Variants in XIRP2 observed in about 807,000 individuals in gnomAD.
The protein encoded by XIRP2 is xin actin-binding repeat-containing protein 2.
Under a neutral mutation model 277.0 loss-of-function variants are expected in XIRP2, and 236 were observed. The observed-to-expected ratio is 0.85, with a 90% confidence interval of 0.77 to 0.95. The LOEUF (loss-of-function observed/expected upper bound fraction) is 0.95. XIRP2 is among the 40% of genes least tolerant of loss of function. The pLI, the probability that XIRP2 is intolerant of heterozygous loss-of-function variation, is 0.00. For missense variants in XIRP2, 4,640 were observed against 4,157.5 expected (o/e 1.12, Z -3.19); for synonymous variants, 1,490 against 1,416.5 (o/e 1.05, Z -1.17).
intron 3 of XIRP2, among the ~76,000 whole-genome samples, chr2:167,181,351 T>C (rs1013721954): frequency 6.6e-6 from 1 of 152,164 alleles, no homozygotes; most frequent in Admixed American, 6.5e-5. Flanking sequence ...ATGCAGTATG[T>C]CATCCAAAAC....
Position 167,246,066 on chromosome 2 carries a change from T to A in XIRP2, c.4674T>A (p.Asp1558Glu), listed in dbSNP as rs763536192. 2 of 1,613,632 alleles carry A rather than the reference T, an allele frequency of 1.2e-6. No individual in the cohort carries two copies. The highest frequency in any genetic ancestry group is 3.3e-5 in the Admixed American group (2 of 59,954). ...IGKSIKETLEDLYSQKVIQAP... is the reference protein window; with the variant it reads ...IGKSIKETLEELYSQKVIQAP... ...AGAGCATTAAAGAAACCTTAGAAGA[T>A]CTCTACTCTCAAAAAGTTATCCAGG... Residue 1558 changes from aspartate (D) to glutamate (E), a missense_variant, in exon 9 of 11, where the codon GAT (aspartate) becomes GAA (glutamate). Transcript: ENST00000409195.
chr2:167,095,269 T>G (rs2105279803), intron 2 of XIRP2, among the ~76,000 whole-genome samples: 1 of 152,316 alleles, frequency 6.6e-6, no homozygotes, highest in South Asian at 2.1e-4. Context: ...ACAGAGATAA[T>G]TTGATTTCCT....
chr2:167,118,198 G>A (rs1369913414), intron 2 of XIRP2, among the ~76,000 whole-genome samples: 3 of 152,252 alleles, frequency 2.0e-5, no homozygotes, highest in Non-Finnish European at 2.9e-5. Context: ...GGGCTTGATG[G>A]TCTGGGTGCA....
At chr2:167,151,325 C>T (rs1254775582) in intron 3 of XIRP2, among the ~76,000 whole-genome samples, 1 of 151,850 alleles carries the variant, frequency 6.6e-6, no homozygotes, top group African/African-American at 2.4e-5. Context: ...TGAGGCCAGG[C>T]CATAGAATAG....
chr2:167,096,945 G>A (rs1045619694), intron 2 of XIRP2, among the ~76,000 whole-genome samples: 4 of 152,132 alleles, frequency 2.6e-5, no homozygotes, highest in Admixed American at 6.6e-5. Context: ...TGCATTTGCC[G>A]AGGAGTGTTT....
At chr2:166,998,059 T>C (rs2105451325) in intron 2 of XIRP2, among the ~76,000 whole-genome samples, 1 of 152,314 alleles carries the variant, frequency 6.6e-6, no homozygotes, top group Non-Finnish European at 1.5e-5. Flanking sequence ...CTCCTTGTAA[T>C]TTCTTCAGAA....
chr2:167,192,231 G>A (rs1693364906), intron 3 of XIRP2, among the ~76,000 whole-genome samples: 2 of 152,008 alleles, frequency 1.3e-5, no homozygotes, highest in African/African-American at 4.8e-5. Flanking sequence ...ATTGTAAATA[G>A]ATCTCACATT....
At chr2:167,203,747 A>T (rs1693783611) in intron 3 of XIRP2, among the ~76,000 whole-genome samples, 1 of 152,234 alleles carries the variant, frequency 6.6e-6, no homozygotes, top group Admixed American at 6.5e-5. Flanking sequence ...TGGCAGTAGC[A>T]TTCTGAATGC....
At chr2:167,112,743 C>A (rs1409022965) in intron 2 of XIRP2, among the ~76,000 whole-genome samples, 1 of 152,058 alleles carries the variant, frequency 6.6e-6, no homozygotes, top group African/African-American at 2.4e-5. Context: ...CCTCCACCTC[C>A]TGGGTTCAAG....
intron 1 of XIRP2, among the ~76,000 whole-genome samples, chr2:166,900,408 T>C (rs1684352363): frequency 6.6e-6 from 1 of 152,068 alleles, no homozygotes; most frequent in Non-Finnish European, 1.5e-5. Context: ...GATTCTTCAC[T>C]AATGCAATTC....
chr2:166,964,759 A>G (rs1686386083), intron 2 of XIRP2, among the ~76,000 whole-genome samples: 1 of 151,838 alleles, frequency 6.6e-6, no homozygotes, highest in African/African-American at 2.4e-5. Context: ...ACTGAACAAT[A>G]TTTTTAAGTA....
chr2:167,070,830 C>A (rs1342844435), intron 2 of XIRP2, among the ~76,000 whole-genome samples: 1 of 151,996 alleles, frequency 6.6e-6, no homozygotes, highest in Non-Finnish European at 1.5e-5. Flanking sequence ...CATCTTGACA[C>A]CCTTTTGTTA....
At chr2:166,893,205 A>T (rs1684153326) in intron 1 of XIRP2, among the ~76,000 whole-genome samples, 1 of 152,052 alleles carries the variant, frequency 6.6e-6, no homozygotes, top group African/African-American at 2.4e-5. Flanking sequence ...TGGGAAATTT[A>T]AAAATATTCC....
At chr2:167,043,345 A>T (rs1176026299) in intron 2 of XIRP2, among the ~76,000 whole-genome samples, 2 of 152,134 alleles carry the variant, frequency 1.3e-5, no homozygotes, top group African/African-American at 4.8e-5. Context: ...AGCTGAAGTG[A>T]ATAAAATTGA....
chr2:166,957,928 T>C (rs1221405253), intron 2 of XIRP2, among the ~76,000 whole-genome samples: 2 of 151,832 alleles, frequency 1.3e-5, no homozygotes, highest in South Asian at 2.1e-4. Flanking sequence ...GAACTTCCTG[T>C]GGTATCTTAC....
At chr2:167,036,618 T>A (rs1688513611) in intron 2 of XIRP2, among the ~76,000 whole-genome samples, 1 of 152,170 alleles carries the variant, frequency 6.6e-6, no homozygotes, top group South Asian at 2.1e-4. Flanking sequence ...AACTTTGGAC[T>A]GAAGACTTTT....
intron 2 of XIRP2, among the ~76,000 whole-genome samples, chr2:167,095,731 G>A (rs1690290989): frequency 6.6e-6 from 1 of 151,646 alleles, no homozygotes; most frequent in South Asian, 2.1e-4. Flanking sequence ...TCTTATTGAG[G>A]ATTTTCACAT....
At chr2:167,155,917 A>G (rs1000377548) in intron 3 of XIRP2, among the ~76,000 whole-genome samples, 12 of 150,678 alleles carry the variant, frequency 8.0e-5, no homozygotes, top group African/African-American at 2.7e-4. Context: ...CACAAAATCA[A>G]TGTAAAAAAA....
At chr2:167,198,153 G>C (rs1693573966) in intron 3 of XIRP2, among the ~76,000 whole-genome samples, 1 of 152,272 alleles carries the variant, frequency 6.6e-6, no homozygotes, top group Admixed American at 6.5e-5. Flanking sequence ...AAGCAAGGAA[G>C]ACTATTAAAT....
Sources: allele counts gnomAD v4.1 joint callset (sites outside exome capture counted in the v4.1 genomes callset), GRCh38; gene constraint gnomAD v4.1.1; transcripts MANE v1.5; gene names NCBI Gene and HGNC (gene_info 2026-07-23, HGNC 2026-07-21).